Variants in RAPGEF1 observed in about 807,000 individuals in gnomAD.
RAPGEF1 encodes CRK SH3-binding GNRP.
Under a neutral mutation model 143.3 loss-of-function variants are expected in RAPGEF1, and 33 were observed. The observed-to-expected ratio is 0.23, with a 90% CI of 0.17 to 0.31. RAPGEF1 has a LOEUF of 0.31. RAPGEF1 is among the 10% of genes least tolerant of loss of function. The pLI is 1.00. For missense variants in RAPGEF1, 1,199 were observed against 1,645.4 expected (o/e 0.73, Z 4.69); for synonymous variants, 629 against 676.5 (o/e 0.93, Z 1.09).
chr9:131,592,877 G>A (rs530051321), intron 17 of RAPGEF1, among the ~76,000 whole-genome samples: 4 of 152,104 alleles, frequency 2.6e-5, no homozygotes, highest in Non-Finnish European at 5.9e-5. Flanking sequence ...CAAGCCTCCC[G>A]AGTAGCTGGG....
chr9:131,629,748 A>T (rs981504151), intron 6 of RAPGEF1, among the ~76,000 whole-genome samples: 8 of 151,996 alleles, frequency 5.3e-5, no homozygotes. Flanking sequence ...CCCAGATCGC[A>T]CCACTGCACT....
At chr9:131,681,996 A>C (rs1291303616) in intron 1 of RAPGEF1, among the ~76,000 whole-genome samples, 2 of 152,190 alleles carry the variant, frequency 1.3e-5, no homozygotes, top group Non-Finnish European at 2.9e-5. Flanking sequence ...GCGACCTATC[A>C]GAGGGAAAGC....
At chr9:131,600,928 G>C (rs992310224) in intron 15 of RAPGEF1, among the ~76,000 whole-genome samples, 2 of 152,178 alleles carry the variant, frequency 1.3e-5, no homozygotes, top group Admixed American at 1.3e-4. Context: ...GGCTGGGGCA[G>C]GTGGATCATG....
chr9:131,711,813 GACA>G (rs1835529137), intron 1 of RAPGEF1, among the ~76,000 whole-genome samples: 1 of 152,146 alleles, frequency 6.6e-6, no homozygotes, highest in African/African-American at 2.4e-5. Flanking sequence ...TAATATTTGG[GACA>G]ACATTCCAAA....
chr9:131,639,193 T>C (rs1056818979), intron 4 of RAPGEF1, among the ~76,000 whole-genome samples: 1 of 152,124 alleles, frequency 6.6e-6, no homozygotes, highest in African/African-American at 2.4e-5. Flanking sequence ...GCAATTAGAA[T>C]CAAATCTATT....
Position 131,625,803 on chromosome 9 carries a change from C to T in RAPGEF1, c.1702+119G>A. On this transcript the variant is annotated intron_variant, in intron 10 of 26. Coordinates refer to ENST00000683357, the MANE Select transcript of RAPGEF1 (RefSeq NM_001377935.1). ...CAGAAGTGTCCACATACCTGGCTGG[C>T]CTATCTTTTATGAAATAATGAGGCC... 8 of 1,362,844 alleles carry T rather than the reference C, an allele frequency of 5.9e-6. No individual in the cohort carries two copies. The South Asian group carries it at 1.0e-4, about 18-fold the overall frequency. The allele number at this position is 1,362,844 out of a possible 1,614,324, so 84.4% of individuals were successfully genotyped here. A position where few individuals can be genotyped will look rare whatever the true frequency, so the allele number is the denominator to read the frequency against.
intron 1 of RAPGEF1, among the ~76,000 whole-genome samples, chr9:131,692,197 A>G (rs1016413880): frequency 4.6e-5 from 7 of 152,206 alleles, no homozygotes; most frequent in African/African-American, 1.7e-4. Context: ...TGTGTAAATA[A>G]TCAGGCCAAG....
chr9:131,646,328 G>A (rs1270793867), intron 3 of RAPGEF1, among the ~76,000 whole-genome samples: 2 of 152,192 alleles, frequency 1.3e-5, no homozygotes, highest in Non-Finnish European at 2.9e-5. Context: ...AGATAGAGAG[G>A]AGAATAAAGA....
rs542141347 is a variant in RAPGEF1 at position 131,650,442 on chromosome 9, T to C, written c.202-200A>G. 2.1e-4 allele frequency among the ~76,000 whole-genome samples: 32 copies of C among 152,378 alleles called. No individual in the cohort carries two copies. Among genetic ancestry groups the C allele is most frequent in the African/African-American group, 6.7e-4 (28 of 41,598 alleles). Reference sequence around the variant, plus strand: ...GAGCACAGGCCCTAAAGCCAAATGATGGATGTTCTGGACATCACAGAGTTC... The same window carrying C: ...GAGCACAGGCCCTAAAGCCAAATGACGGATGTTCTGGACATCACAGAGTTC... On this transcript the variant is annotated intron_variant, in intron 2 of 26. Transcript: ENST00000683357. This position sits in a 1 kb window ranked among gnomAD's most constrained non-coding sequence, Gnocchi z 4.7.
rs1223823295 is a variant in RAPGEF1, at chr9:131,584,184, T to C, written c.3414+127A>G. The C allele has an allele frequency of 1.7e-5, 14 of 832,352 alleles. No individual in the cohort carries two copies. Among genetic ancestry groups the C allele is most frequent in the Non-Finnish European group, 2.7e-5 (14 of 527,682 alleles). The allele number at this position is 832,352 out of a possible 1,614,324, so 51.6% of individuals were successfully genotyped here. A position where few individuals can be genotyped will look rare whatever the true frequency, so the allele number is the denominator to read the frequency against. Reference sequence around the variant, plus strand: ...CTGTTCTGGTCACACAGCATGTCGGTGGCAGAGCAGGGGCCTAGGCCCAGC... The same window carrying C: ...CTGTTCTGGTCACACAGCATGTCGGCGGCAGAGCAGGGGCCTAGGCCCAGC... On this transcript the variant is annotated intron_variant, in intron 24 of 26. Coordinates refer to ENST00000683357, the MANE Select transcript of RAPGEF1 (RefSeq NM_001377935.1). This position sits in a 1 kb window ranked among gnomAD's most constrained non-coding sequence, Gnocchi z 6.8.
In RAPGEF1 at chr9:131,584,680, C is replaced by G; in HGVS notation, c.3234-84G>C. 4 of 1,389,288 alleles carry G rather than the reference C, an allele frequency of 2.9e-6. No individual in the cohort carries two copies. Among genetic ancestry groups the G allele is most frequent in the Non-Finnish European group, 3.1e-6 (3 of 980,964 alleles). 86.1% of individuals were successfully genotyped at this position (1,389,288 alleles called of 1,614,324 possible). A position where few individuals can be genotyped will look rare whatever the true frequency, so the allele number is the denominator to read the frequency against. On this transcript the variant is annotated intron_variant, in intron 22 of 26. Transcript: ENST00000683357. This position sits in a 1 kb window ranked among gnomAD's most constrained non-coding sequence, Gnocchi z 6.8. The stretch of plus-strand genomic sequence containing the variant: ...GGTCCTGGTGGAGACAGGACCTGTA[C>G]GACCCCCATGCCAGTGGCCACGAGC...
At chr9:131,615,580 G>C (rs992143881) in intron 12 of RAPGEF1, among the ~76,000 whole-genome samples, 4 of 152,238 alleles carry the variant, frequency 2.6e-5, no homozygotes, top group Admixed American at 1.3e-4. Context: ...GCCTGCGGAT[G>C]GGGAGGACTG....
intron 1 of RAPGEF1, among the ~76,000 whole-genome samples, chr9:131,696,958 G>A (rs937682696): frequency 1.3e-5 from 2 of 152,222 alleles, no homozygotes; most frequent in African/African-American, 2.4e-5. Context: ...ATATGCTAAG[G>A]CAGGTGTAAT....
intron 1 of RAPGEF1, among the ~76,000 whole-genome samples, chr9:131,699,653 G>GC (rs1469990500): frequency 2.6e-5 from 4 of 152,098 alleles, no homozygotes; most frequent in Admixed American, 2.0e-4. Context: ...TGTCACCGAA[G>GC]CCCCCTCTCT....
chr9:131,615,840 T>C (rs546750588), intron 12 of RAPGEF1, among the ~76,000 whole-genome samples: 1 of 152,286 alleles, frequency 6.6e-6, no homozygotes, highest in South Asian at 2.1e-4. Flanking sequence ...CCCACGACCC[T>C]GTCCTTGCTC....
chr9:131,615,366 A>G (rs546500552), intron 12 of RAPGEF1, among the ~76,000 whole-genome samples: 53 of 152,082 alleles, frequency 3.5e-4, no homozygotes, highest in South Asian at 8.3e-4. Flanking sequence ...GAGCCACTGC[A>G]CCCAGCCGGA....
chr9:131,714,053 A>AT lies in RAPGEF1; in HGVS notation c.61+25716dup, dbSNP rs901829915. Among the ~76,000 whole-genome samples, 724 of 148,350 alleles carry AT rather than the reference A, an allele frequency of 4.9e-3. 3 individuals carry two copies. The highest frequency in any genetic ancestry group is 8.5e-3 in the Non-Finnish European group (564 of 66,732). ...TACAAACATCTGTACCTCAGGAATA[A>AT]TTTTTTTTTTTAAGAGACAGGGTCT... On this transcript the variant is annotated intron_variant, in intron 1 of 26. Coordinates refer to ENST00000683357, the MANE Select transcript of RAPGEF1 (RefSeq NM_001377935.1).
chr9:131,639,316 C>T (rs561496521), intron 4 of RAPGEF1, among the ~76,000 whole-genome samples: 1 of 152,292 alleles, frequency 6.6e-6, no homozygotes, highest in African/African-American at 2.4e-5. Context: ...TCATCATCTT[C>T]TGCACTATAA....
In RAPGEF1 at chr9:131,619,930, GTCT is replaced by G. The variant is rs1960278649; in HGVS notation, c.1906-727_1906-725del. Among the ~76,000 whole-genome samples the G allele has an allele frequency of 2.0e-5, 3 of 152,160 alleles. No homozygotes were observed. In the South Asian group the frequency reaches 6.2e-4, roughly 31 times the overall value. ...CATTAGGATTGGGTGTGGCTCCCAG[GTCT>G]TCTGTTTCTAGCTGTGGGCTTGGAT... On this transcript the variant is annotated intron_variant, in intron 11 of 26. Transcript: ENST00000683357.
Sources: gnomAD v4.1 joint callset for allele counts (sites outside exome capture counted in the v4.1 genomes callset) on GRCh38, gnomAD v4.1.1 for gene constraint, Gnocchi (gnomAD v3.1) non-coding constraint, MANE v1.5 for transcripts, NCBI Gene and HGNC (gene_info 2026-07-23, HGNC 2026-07-21) for gene names.